IRAK1BP1: variants seen among roughly 807,000 people sequenced by gnomAD.
IRAK1BP1 encodes the protein interleukin-1 receptor-associated kinase 1-binding protein 1.
IRAK1BP1 carries 24 observed loss-of-function variants against 28.0 expected under a neutral mutation model. The observed-to-expected ratio is 0.86, with a 90% CI of 0.62 to 1.20. The LOEUF is 1.20. Ranked by LOEUF, IRAK1BP1 falls within the 50% of genes most tolerant of loss-of-function variation. IRAK1BP1 has a pLI of 0.00. For missense variants in IRAK1BP1, 336 were observed against 316.7 expected (o/e 1.06, Z -0.46); for synonymous variants, 131 against 116.3 (o/e 1.13, Z -0.81).
At chr6:78,897,759 C>A in intron 2 of IRAK1BP1, 70 bp from the exon 3 acceptor site, 1 of 1,383,944 alleles carries the variant, frequency 7.2e-7, no homozygotes, top group East Asian at 2.3e-5. Context: ...ACTTTTTTTA[C>A]TTACATGTAG....
intron 1 of IRAK1BP1, among the ~76,000 whole-genome samples, chr6:78,883,871 G>A (rs895738501): frequency 7.9e-5 from 12 of 152,098 alleles, no homozygotes; most frequent in South Asian, 6.2e-4. Context: ...TACTGTATGT[G>A]CTACCTACCC....
chr6:78,921,986 G>GA (rs1157873407), intron 4 of IRAK1BP1, among the ~76,000 whole-genome samples: 2 of 152,158 alleles, frequency 1.3e-5, no homozygotes, highest in Non-Finnish European at 2.9e-5. Context: ...AAACAGAGCA[G>GA]AAAAACCGAA....
intron 1 of IRAK1BP1, among the ~76,000 whole-genome samples, chr6:78,884,757 A>C (rs567864265): frequency 3.3e-5 from 5 of 152,270 alleles, no homozygotes; most frequent in Admixed American, 2.6e-4. Flanking sequence ...TTTGTATTAA[A>C]ATATTTGTAA....
At position 78,898,144 on chromosome 6, in the gene IRAK1BP1, G is replaced by C; in HGVS notation, c.593G>C (p.Gly198Ala). 1 of 1,613,714 alleles carries C rather than the reference G, an allele frequency of 6.2e-7. No homozygotes were observed. Among genetic ancestry groups the C allele is most frequent in the Non-Finnish European group, 8.5e-7 (1 of 1,179,914 alleles). ...EVCNLVGQTL[G>A]KPLLIKEEET... ...TGTAACCTTGTTGGCCAAACCTTAG[G>C]AAAACCTTTACTAATCAAAGAAGAA... The change falls in exon 4 of 4, where the codon GGA (glycine) becomes GCA (alanine). Residue 198 changes from glycine (G) to alanine (A), a missense_variant. By Grantham distance (60) the Gly-to-Ala change is moderately conservative. Transcript: ENST00000369940.
At chr6:78,954,629 C>A in the IRAK1BP1 span, among the ~76,000 whole-genome samples, 2 of 152,174 alleles carry the variant, frequency 1.3e-5, no homozygotes, top group Admixed American at 1.3e-4. Flanking sequence ...TCATTCAGGG[C>A]TCCTTCCATT....
downstream of IRAK1BP1, chr6:78,947,794 G>C (rs1167695184): frequency 6.3e-7 from 1 of 1,576,128 alleles, no homozygotes; most frequent in East Asian, 2.2e-5. Flanking sequence ...GGGAAAACAG[G>C]TGGTGTTATG....
At position 78,911,164 on chromosome 6, in the gene IRAK1BP1, G is replaced by T. The variant is rs570321011; in HGVS notation, c.*67+8054G>T. Among the ~76,000 whole-genome samples, 32 of 152,010 alleles carry T rather than the reference G, an allele frequency of 2.1e-4. No homozygotes were observed. In the South Asian group the frequency reaches 6.4e-3, roughly 31 times the overall value. Reference sequence around the variant, plus strand: ...CAGGCTCCTACTCCATTCCTATCGCGACTGCTTGAGACCGGGCCACCTCCC... The same window carrying T: ...CAGGCTCCTACTCCATTCCTATCGCTACTGCTTGAGACCGGGCCACCTCCC... On this transcript the variant is annotated intron_variant and NMD_transcript_variant, in intron 4 of 4. Coordinates refer to the IRAK1BP1 transcript ENST00000606868.
At chr6:78,953,002 GTTATC>G in the IRAK1BP1 span, among the ~76,000 whole-genome samples, 3 of 146,640 alleles carry the variant, frequency 2.0e-5, no homozygotes, top group Non-Finnish European at 4.5e-5. Context: ...TGTTGTTTCT[GTTATC>G]TTATTATGGT....
chr6:78,907,846 A>T (rs953127287), downstream of IRAK1BP1, among the ~76,000 whole-genome samples: 12 of 151,200 alleles, frequency 7.9e-5, no homozygotes, highest in Admixed American at 6.6e-4. Flanking sequence ...CAGCCTCCCC[A>T]GTAGCTGGGA....
chr6:78,931,734 AAGTC>A (rs943444985), intron 4 of IRAK1BP1, among the ~76,000 whole-genome samples: 6 of 152,292 alleles, frequency 3.9e-5, no homozygotes, highest in African/African-American at 1.4e-4. Flanking sequence ...AGCTTTCAGA[AAGTC>A]AGAATCTTTT....
the IRAK1BP1 span, among the ~76,000 whole-genome samples, chr6:78,954,171 G>A: frequency 6.2e-4 from 94 of 151,838 alleles, no homozygotes; most frequent in South Asian, 1.5e-3. Flanking sequence ...GTGGGATCTC[G>A]GCTCACTGCA....
At chr6:78,931,810 T>C (rs1196871390) in intron 4 of IRAK1BP1, among the ~76,000 whole-genome samples, 1 of 152,148 alleles carries the variant, frequency 6.6e-6, no homozygotes, top group Non-Finnish European at 1.5e-5. Context: ...GTGGTTGGGG[T>C]GGCTGTGTCA....
the IRAK1BP1 span, among the ~76,000 whole-genome samples, chr6:78,971,686 C>T: frequency 1.1e-3 from 172 of 152,126 alleles, 1 homozygote; most frequent in Middle Eastern, 6.8e-3. Flanking sequence ...GTGTGCGAGC[C>T]GAAGTAGGGT....
chr6:78,918,526 G>A (rs566105381), intron 4 of IRAK1BP1, among the ~76,000 whole-genome samples: 15 of 113,910 alleles, frequency 1.3e-4, no homozygotes, highest in Admixed American at 5.4e-4. Flanking sequence ...GAAAAAAAAA[G>A]CAGAGGTCAT....
intron 1 of IRAK1BP1, chr6:78,872,070 T>G: frequency 2.9e-6 from 2 of 697,644 alleles, no homozygotes; most frequent in Non-Finnish European, 5.2e-6. Context: ...AGAACTAGAA[T>G]GACTGAGGGA....
chr6:78,897,821 A>G lies in IRAK1BP1; in HGVS notation c.382-8A>G. On this transcript the variant is annotated splice_region_variant and splice_polypyrimidine_tract_variant and intron_variant, in intron 2 of 3. Transcript: ENST00000369940. Reference sequence around the variant, plus strand: ...CATGAAAATAATATCGTGTCATTTCATTTACAGGTCTGCATTACATTTACT... The same window carrying G: ...CATGAAAATAATATCGTGTCATTTCGTTTACAGGTCTGCATTACATTTACT... 1 of 1,609,884 alleles carries G rather than the reference A, an allele frequency of 6.2e-7. No homozygotes were observed. Among genetic ancestry groups the G allele is most frequent in the Non-Finnish European group, 8.5e-7 (1 of 1,177,722 alleles).
intron 4 of IRAK1BP1, among the ~76,000 whole-genome samples, chr6:78,927,440 C>T (rs1772920671): frequency 6.6e-6 from 1 of 151,990 alleles, no homozygotes; most frequent in Non-Finnish European, 1.5e-5. Context: ...TTATTAATCC[C>T]TTGTCAGATG....
In IRAK1BP1 at chr6:78,898,741, A is replaced by G. The variant is rs769497642; in HGVS notation, c.*407A>G. ...AATTTTATGTAAAAACTAGGCTTCA[A>G]TAAGTTAGCTAAATTTTTTAAATTG... On this transcript the variant is annotated 3_prime_UTR_variant, in exon 4 of 4. Coordinates refer to ENST00000369940, the MANE Select transcript of IRAK1BP1 (RefSeq NM_001010844.4). 4 of 152,186 alleles carry G rather than the reference A, an allele frequency of 2.6e-5. No individual in the cohort carries two copies. In the East Asian group the frequency reaches 7.7e-4, roughly 29 times the overall value. 9.4% of individuals were successfully genotyped at this position (152,186 alleles called of 1,614,324 possible).
In IRAK1BP1 at chr6:78,933,141, G is replaced by T. The variant is rs144463784; in HGVS notation, c.*68-12267G>T. Among the ~76,000 whole-genome samples, 267 of 152,220 alleles carry T rather than the reference G, an allele frequency of 1.8e-3. 1 individual carries two copies. Among genetic ancestry groups the T allele is most frequent in the African/African-American group, 6.1e-3 (253 of 41,548 alleles). ...AATGAGAGCCTGTCCTTTGAAGCTA[G>T]GCATTGACTTCTCTCTAGCTATGAA... On this transcript the variant is annotated intron_variant and NMD_transcript_variant, in intron 4 of 4. Transcript: ENST00000606868.
Sources: allele counts gnomAD v4.1 joint callset (sites outside exome capture counted in the v4.1 genomes callset), GRCh38; gene constraint gnomAD v4.1.1; transcripts MANE v1.5; gene names NCBI Gene and HGNC (gene_info 2026-07-23, HGNC 2026-07-21).